CELSR1: variants seen among roughly 807,000 people sequenced by gnomAD.
CELSR1 encodes the protein adhesion G protein-coupled receptor C1.
Under a neutral mutation model 249.1 loss-of-function variants are expected in CELSR1, and 110 were observed. The ratio of observed to expected loss-of-function variants is 0.44; its 90% CI spans 0.38 to 0.52. CELSR1 has a LOEUF of 0.52. Ranked by LOEUF, CELSR1 falls within the 20% of genes least tolerant of loss-of-function variation. The pLI, the probability that CELSR1 is intolerant of heterozygous loss-of-function variation, is 0.00. For missense variants in CELSR1, 4,109 were observed against 4,296.4 expected (o/e 0.96, Z 1.22); for synonymous variants, 2,113 against 1,900.0 (o/e 1.11, Z -2.92).
chr22:46,461,692 C>A (rs2080029562), intron 2 of CELSR1, among the ~76,000 whole-genome samples: 2 of 152,242 alleles, frequency 1.3e-5, no homozygotes, highest in African/African-American at 4.8e-5. Context: ...TGTGCGCTGG[C>A]CTGGTATACA....
chr22:46,368,760 T>G (rs889501077), intron 27 of CELSR1, among the ~76,000 whole-genome samples: 6 of 151,974 alleles, frequency 3.9e-5, no homozygotes, highest in African/African-American at 1.5e-4. Context: ...GCTGGGCCCC[T>G]GTTCCACTGC....
chr22:46,534,444 G>A lies in CELSR1; in HGVS notation c.2727C>T (p.Thr909=), dbSNP rs1223741666. 11 of 1,612,874 alleles carry A rather than the reference G, an allele frequency of 6.8e-6. No homozygotes were observed. Among genetic ancestry groups the A allele is most frequent in the South Asian group, 5.5e-5 (5 of 91,084 alleles). ...CCGTGGCAGAGACCTGGAGGATGCT[G>A]GTCGAGGGTGGAGCATCCTCAAAGA... ...GSIFEDAPPS[T]SILQVSATDR... Residue 909 remains threonine, a synonymous_variant, in exon 1 of 35, where the codon ACC becomes ACT. Coordinates refer to ENST00000674500, the MANE Select transcript of CELSR1 (RefSeq NM_001378328.1). This position sits in a 1 kb window ranked among gnomAD's most constrained non-coding sequence, Gnocchi z 9.7.
At chr22:46,513,136 C>T (rs1036019303) in intron 1 of CELSR1, among the ~76,000 whole-genome samples, 16 of 152,174 alleles carry the variant, frequency 1.1e-4, no homozygotes, top group African/African-American at 3.6e-4. Flanking sequence ...CTCAAAATCA[C>T]GCGACTGGGG....
At chr22:46,444,334 A>G (rs1191644513) in intron 2 of CELSR1, among the ~76,000 whole-genome samples, 1 of 152,222 alleles carries the variant, frequency 6.6e-6, no homozygotes, top group Admixed American at 6.5e-5. Context: ...TCCTGCTTCC[A>G]AATTTGATTT....
In CELSR1 at chr22:46,399,627, G is replaced by A. The variant is rs1602080916; in HGVS notation, c.5412+90C>T. On this transcript the variant is annotated intron_variant, in intron 10 of 34. Coordinates refer to ENST00000674500, the MANE Select transcript of CELSR1 (RefSeq NM_001378328.1). This position sits in a 1 kb window ranked among gnomAD's most constrained non-coding sequence, Gnocchi z 5.0. The stretch of plus-strand genomic sequence containing the variant: ...GCCTCCCCAAATCCACAAGGTCTCT[G>A]GTGGGTCCTGGCACGTCAAGGGGTC... 1 of 1,343,456 alleles carries A rather than the reference G, an allele frequency of 7.4e-7. No individual in the cohort carries two copies. The highest frequency in any genetic ancestry group is 1.1e-6 in the Non-Finnish European group (1 of 951,976). The allele number at this position is 1,343,456 out of a possible 1,614,324, so 83.2% of individuals were successfully genotyped here.
rs911328489 is a variant in CELSR1 at position 46,409,500 on chromosome 22, G to A, written c.5059+255C>T. Among the ~76,000 whole-genome samples, 2 of 152,140 alleles carry A rather than the reference G, an allele frequency of 1.3e-5. No homozygotes were observed. The highest frequency in any genetic ancestry group is 2.9e-5 in the Non-Finnish European group (2 of 68,018). On this transcript the variant is annotated intron_variant, in intron 8 of 34. Coordinates refer to ENST00000674500, the MANE Select transcript of CELSR1 (RefSeq NM_001378328.1). The surrounding 1 kb of genome is among the most constrained non-coding windows in gnomAD (Gnocchi z 9.8). ...CTGGGCTCCGTGGCTGGGGTGCTGG[G>A]GCTGGGCTCTGCCGGCCCAGCCTAC...
chr22:46,370,593 A>G (rs2078841320), intron 25 of CELSR1, among the ~76,000 whole-genome samples: 1 of 152,236 alleles, frequency 6.6e-6, no homozygotes, highest in Admixed American at 6.5e-5. Flanking sequence ...AGGAGCAACC[A>G]GCAGGTGAGA....
At position 46,527,314 on chromosome 22, in the gene CELSR1, ACT is replaced by A. The variant is rs1214705837; in HGVS notation, c.3544+6311_3544+6312del. ...GATGTCCCCAGCTTCCCTCCCCTCCACTCTCACCGCCCAGCAGCTGGGACATG... is the reference window on the plus strand; with the variant it reads ...GATGTCCCCAGCTTCCCTCCCCTCCACTCACCGCCCAGCAGCTGGGACATG... On this transcript the variant is annotated intron_variant, in intron 1 of 34. Coordinates refer to ENST00000674500, the MANE Select transcript of CELSR1 (RefSeq NM_001378328.1). This position sits in a 1 kb window ranked among gnomAD's most constrained non-coding sequence, Gnocchi z 5.5. 6.7e-6 allele frequency among the ~76,000 whole-genome samples: 1 copy of A among 149,766 alleles called. No homozygotes were observed. Among genetic ancestry groups the A allele is most frequent in the African/African-American group, 2.5e-5 (1 of 40,482 alleles).
At chr22:46,426,944 T>C (rs1395815435) in intron 5 of CELSR1, among the ~76,000 whole-genome samples, 3 of 152,226 alleles carry the variant, frequency 2.0e-5, no homozygotes, top group Non-Finnish European at 2.9e-5. Context: ...TTGTGTGTTC[T>C]GTTACCAGGC....
Position 46,434,879 on chromosome 22 carries a change from C to A in CELSR1, c.4522+1295G>T, listed in dbSNP as rs1432864349. Among the ~76,000 whole-genome samples the A allele has an allele frequency of 6.6e-6, 1 of 152,070 alleles. No homozygotes were observed. The highest frequency in any genetic ancestry group is 2.4e-5 in the African/African-American group (1 of 41,406). On this transcript the variant is annotated intron_variant, in intron 4 of 34. Transcript: ENST00000674500. This position sits in a 1 kb window ranked among gnomAD's most constrained non-coding sequence, Gnocchi z 4.9. Reference sequence around the variant, plus strand: ...GGGCATGGTGAAACGTGCCTGTATTCCCAGCTACTGGAGAGGCTGAGGCAT... The same window carrying A: ...GGGCATGGTGAAACGTGCCTGTATTACCAGCTACTGGAGAGGCTGAGGCAT...
At chr22:46,377,739 G>C (rs2078934363) in intron 23 of CELSR1, 2 of 183,138 alleles carry the variant, frequency 1.1e-5, no homozygotes, top group African/African-American at 4.7e-5. Context: ...TTGCCCATGA[G>C]ACAGGGGCAG....
Position 46,536,877 on chromosome 22 carries a change from C to T in CELSR1, c.294G>A (p.Pro98=). The part of the protein sequence containing the change: ...LQVRLVARSA[P]TALSRRLRAR... The stretch of plus-strand genomic sequence containing the variant: ...CCCGCAGGCGGCGGCTCAGCGCCGT[C>T]GGGGCACTGCGGGCCACCAAGCGGA... The change falls in exon 1 of 35, where the codon CCG becomes CCA. Residue 98 remains proline, a synonymous_variant. Coordinates refer to ENST00000674500, the MANE Select transcript of CELSR1 (RefSeq NM_001378328.1). 3 of 1,226,748 alleles carry T rather than the reference C, an allele frequency of 2.4e-6. No homozygotes were observed. The highest frequency in any genetic ancestry group is 1.6e-5 in the African/African-American group (1 of 62,210). 76.0% of individuals were successfully genotyped at this position (1,226,748 alleles called of 1,614,324 possible).
intron 2 of CELSR1, among the ~76,000 whole-genome samples, chr22:46,451,741 G>C (rs551034139): frequency 5.3e-5 from 8 of 152,290 alleles, no homozygotes; most frequent in African/African-American, 1.7e-4. Context: ...CCCCCAAAAG[G>C]AAGTGTCCAC....
At chr22:46,385,740 T>C (rs9627432) in intron 19 of CELSR1, among the ~76,000 whole-genome samples, 11,521 of 149,876 alleles carry the variant, frequency 0.077, 1,535 homozygotes, top group African/African-American at 0.27. Context: ...TGCAGTGGCA[T>C]GATCTCGGCT....
intron 2 of CELSR1, among the ~76,000 whole-genome samples, chr22:46,461,039 C>T (rs1302135240): frequency 6.6e-6 from 1 of 152,164 alleles, no homozygotes; most frequent in African/African-American, 2.4e-5. Context: ...GTGAGGCCCC[C>T]GAGCTCGGCT....
chr22:46,445,053 C>T lies in CELSR1; in HGVS notation c.4184-5642G>A, dbSNP rs571219456. On this transcript the variant is annotated intron_variant, in intron 2 of 34. Coordinates refer to ENST00000674500, the MANE Select transcript of CELSR1 (RefSeq NM_001378328.1). This position sits in a 1 kb window ranked among gnomAD's most constrained non-coding sequence, Gnocchi z 4.4. ...CCCAATCTCTACTACAAAAATTAAC[C>T]GGCGTGGTGGCAAGCGCCTGTAATC... 2.4e-4 allele frequency among the ~76,000 whole-genome samples: 36 copies of T among 151,752 alleles called. No homozygotes were observed. The highest frequency in any genetic ancestry group is 3.4e-4 in the Non-Finnish European group (23 of 67,972).
In CELSR1 at chr22:46,473,156, C is replaced by T. The variant is rs1459880815; in HGVS notation, c.3545-8811G>A. ...GGGGTGGCTGAAGGAGAAATGTCCG[C>T]AGAGGGGTGGACAGGACCCACGCAC... On this transcript the variant is annotated intron_variant, in intron 1 of 34. Coordinates refer to ENST00000674500, the MANE Select transcript of CELSR1 (RefSeq NM_001378328.1). The surrounding 1 kb of genome is among the most constrained non-coding windows in gnomAD (Gnocchi z 6.6). 6.6e-6 allele frequency among the ~76,000 whole-genome samples: 1 copy of T among 152,048 alleles called. No individual in the cohort carries two copies. Among genetic ancestry groups the T allele is most frequent in the Non-Finnish European group, 1.5e-5 (1 of 68,016 alleles).
intron 1 of CELSR1, among the ~76,000 whole-genome samples, chr22:46,476,765 G>A (rs1024971646): frequency 3.9e-5 from 6 of 152,132 alleles, no homozygotes; most frequent in South Asian, 2.1e-4. Context: ...GTTGCCAAGC[G>A]CAAGGGGCAA....
At chr22:46,481,602 C>T (rs577484227) in intron 1 of CELSR1, 117 of 742,946 alleles carry the variant, frequency 1.6e-4, no homozygotes, top group Non-Finnish European at 7.0e-5. Flanking sequence ...GCACCTGCTC[C>T]GTGGAGGCCT....
Sources: gnomAD v4.1 joint callset for allele counts (sites outside exome capture counted in the v4.1 genomes callset) on GRCh38, gnomAD v4.1.1 for gene constraint, Gnocchi (gnomAD v3.1) non-coding constraint, MANE v1.5 for transcripts, NCBI Gene and HGNC (gene_info 2026-07-23, HGNC 2026-07-21) for gene names.